The following MKLN1 variants were observed in gnomAD, a reference collection of about 807,000 sequenced individuals.
MKLN1 encodes muskelin.
A neutral mutation model predicts 99.0 loss-of-function variants in MKLN1; 18 were observed. The observed-to-expected ratio is 0.18, with a 90% CI of 0.13 to 0.27. MKLN1 has a LOEUF of 0.27. Ranked by LOEUF, MKLN1 falls within the 10% of genes least tolerant of loss-of-function variation. The pLI, the probability that MKLN1 is intolerant of heterozygous loss-of-function variation, is 1.00. For missense variants in MKLN1, 621 were observed against 875.9 expected (o/e 0.71, Z 3.67); for synonymous variants, 288 against 293.2 (o/e 0.98, Z 0.18).
chr7:131,114,937 A>T (rs1248342104), intron 1 of MKLN1, among the ~76,000 whole-genome samples: 1 of 151,702 alleles, frequency 6.6e-6, no homozygotes, highest in Non-Finnish European at 1.5e-5. Context: ...CTCTGTCTCA[A>T]GAAAAAAAAA....
intron 1 of MKLN1, among the ~76,000 whole-genome samples, chr7:131,134,338 C>G (rs1005500453): frequency 1.3e-5 from 2 of 152,132 alleles, no homozygotes; most frequent in African/African-American, 4.8e-5. Flanking sequence ...TCTCCACTGA[C>G]AGCTGCCTCA....
chr7:131,291,101 TTTTATTTA>T (rs58711955), intron 3 of MKLN1, among the ~76,000 whole-genome samples: 1,500 of 134,848 alleles, frequency 0.011, 7 homozygotes, highest in South Asian at 0.016. Flanking sequence ...TCTCATTTTA[TTTTATTTA>T]TTTATTTATT....
At chr7:131,153,033 AT>A (rs1220395745) in intron 2 of MKLN1, among the ~76,000 whole-genome samples, 118 of 138,266 alleles carry the variant, frequency 8.5e-4, no homozygotes, top group South Asian at 2.4e-3. Flanking sequence ...ATATATATAT[AT>A]TTTTTTTTTT....
chr7:131,216,273 T>C (rs1796979740), intron 3 of MKLN1, among the ~76,000 whole-genome samples: 1 of 151,534 alleles, frequency 6.6e-6, no homozygotes, highest in Non-Finnish European at 1.5e-5. Flanking sequence ...ATACAAAAAA[T>C]ACAGGAGTGC....
At position 131,411,223 on chromosome 7, in the gene MKLN1, G is replaced by A. The variant is rs1794863960; in HGVS notation, c.704-83G>A. ...CATATTAGTAATTTCTTTTAATGTA[G>A]CCTTTTAAATTTTAATTTTTTTCTA... On this transcript the variant is annotated intron_variant, in intron 6 of 17. Transcript: ENST00000352689. 3 of 762,234 alleles carry A rather than the reference G, an allele frequency of 3.9e-6. No individual in the cohort carries two copies. The Admixed American group carries it at 8.4e-5, about 21-fold the overall frequency. The allele number at this position is 762,234 out of a possible 1,614,324, so 47.2% of individuals were successfully genotyped here.
intron 1 of MKLN1, among the ~76,000 whole-genome samples, chr7:131,359,760 G>A (rs112763837): frequency 1.2e-3 from 185 of 150,878 alleles, no homozygotes; most frequent in African/African-American, 4.2e-3. Context: ...TTGAGACAGG[G>A]TTTCACTCTG....
chr7:131,326,422 G>A (rs1372305723), upstream of MKLN1, among the ~76,000 whole-genome samples: 1 of 152,210 alleles, frequency 6.6e-6, no homozygotes, highest in African/African-American at 2.4e-5. Context: ...TTGGCTCACT[G>A]CAACCTCTGC....
At chr7:131,241,772 T>C (rs920431389) in intron 3 of MKLN1, among the ~76,000 whole-genome samples, 3 of 152,252 alleles carry the variant, frequency 2.0e-5, no homozygotes, top group Non-Finnish European at 2.9e-5. Flanking sequence ...GCAGTCAAAG[T>C]TGATGCTAGC....
chr7:131,398,582 T>C (rs1584697110), intron 5 of MKLN1, among the ~76,000 whole-genome samples: 1 of 151,948 alleles, frequency 6.6e-6, no homozygotes, highest in Non-Finnish European at 1.5e-5. Context: ...TAAGCTCAGC[T>C]ACTTAGGAGG....
chr7:131,466,576 A>G (rs1314500210), intron 15 of MKLN1, among the ~76,000 whole-genome samples, 161 bp downstream of exon 15: 2 of 152,242 alleles, frequency 1.3e-5, no homozygotes, highest in East Asian at 3.8e-4. Context: ...AAGAAGATAC[A>G]AAATACAGAT....
chr7:131,133,856 T>G, intron 1 of MKLN1, among the ~76,000 whole-genome samples: 1 of 136,916 alleles, frequency 7.3e-6, no homozygotes, highest in Non-Finnish European at 1.6e-5. Flanking sequence ...TGAGACGAAG[T>G]TTTGCTCTTG....
intron 2 of MKLN1, among the ~76,000 whole-genome samples, chr7:131,381,257 T>C (rs1339954030): frequency 6.6e-6 from 1 of 152,252 alleles, no homozygotes; most frequent in Admixed American, 6.5e-5. Flanking sequence ...TAACTGCCTG[T>C]ACATTTTAAC....
intron 1 of MKLN1, among the ~76,000 whole-genome samples, chr7:131,337,093 C>G (rs1476053062): frequency 7.2e-5 from 11 of 152,164 alleles, no homozygotes; most frequent in Non-Finnish European, 1.5e-4. Flanking sequence ...GTCAGACTTA[C>G]TGTTGCTTCT....
At chr7:131,279,419 T>C (rs930569747) in intron 3 of MKLN1, among the ~76,000 whole-genome samples, 13 of 152,202 alleles carry the variant, frequency 8.5e-5, no homozygotes, top group African/African-American at 2.9e-4. Context: ...GCAACAGTAA[T>C]TGAACTAGAA....
chr7:131,434,849 G>T (rs937369275), intron 9 of MKLN1, among the ~76,000 whole-genome samples: 2 of 152,112 alleles, frequency 1.3e-5, no homozygotes, highest in African/African-American at 4.8e-5. Context: ...TGAGCCACCA[G>T]GCCCAGCCTT....
chr7:131,198,375 T>G (rs577650121), intron 2 of MKLN1, among the ~76,000 whole-genome samples: 1 of 152,364 alleles, frequency 6.6e-6, no homozygotes, highest in South Asian at 2.1e-4. Context: ...GAAAAAAATT[T>G]TTTTTTAAAG....
chr7:131,353,903 TAAAAAAAAAAAA>T (rs35581656), intron 1 of MKLN1, among the ~76,000 whole-genome samples: 2 of 113,714 alleles, frequency 1.8e-5, no homozygotes, highest in African/African-American at 3.2e-5. Flanking sequence ...TGTACCTTTG[TAAAAAAAAAAAA>T]AAAAAAAAAC....
chr7:131,139,477 C>T (rs1206682169), intron 1 of MKLN1, among the ~76,000 whole-genome samples: 1 of 152,192 alleles, frequency 6.6e-6, no homozygotes. Context: ...TTTATTTTGG[C>T]TTCTGGATTT....
intron 3 of MKLN1, among the ~76,000 whole-genome samples, chr7:131,213,558 T>A (rs1416284082): frequency 6.6e-6 from 1 of 152,204 alleles, no homozygotes; most frequent in Non-Finnish European, 1.5e-5. Context: ...GCAGAATTCC[T>A]CACCTCTAAC....
Sources: allele counts gnomAD v4.1 joint callset (sites outside exome capture counted in the v4.1 genomes callset), GRCh38; gene constraint gnomAD v4.1.1; transcripts MANE v1.5; gene names NCBI Gene and HGNC (gene_info 2026-07-23, HGNC 2026-07-21).